MEX3C: variants seen among roughly 807,000 people sequenced by gnomAD.
MEX3C encodes RNA-binding E3 ubiquitin-protein ligase MEX3C.
In MEX3C, 15 loss-of-function variants were observed where a neutral mutation model predicts 35.5. That is an observed-to-expected ratio of 0.42 (90% CI 0.28 to 0.65). The LOEUF is 0.65. Among genes scored for constraint, MEX3C ranks in the 30% least tolerant of loss-of-function variants. MEX3C has a pLI of 0.20. For missense variants in MEX3C, 711 were observed against 842.8 expected (o/e 0.84, Z 1.94); for synonymous variants, 390 against 352.8 (o/e 1.11, Z -1.18).
At position 51,184,935 on chromosome 18, in the gene MEX3C, A is replaced by G. The variant is rs150518905; in HGVS notation, c.755-7359T>C. ...ATTAAGGTGTTACAGTAAATATGGA[A>G]TTGCCAATAGTTCAATTAAAGTCCA... On this transcript the variant is annotated intron_variant, in intron 1 of 1. Coordinates refer to ENST00000406189, the MANE Select transcript of MEX3C (RefSeq NM_016626.5). Among the ~76,000 whole-genome samples the G allele has an allele frequency of 1.4e-3, 215 of 152,350 alleles. 2 individuals carry two copies. The highest frequency in any genetic ancestry group is 5.0e-3 in the African/African-American group (206 of 41,576).
At position 51,196,909 on chromosome 18, in the gene MEX3C, G is replaced by C. The variant is rs778807101; in HGVS notation, c.412C>G (p.Arg138Gly). 1.8e-5 allele frequency: 27 copies of C among 1,542,806 alleles called. No homozygotes were observed. Among genetic ancestry groups the C allele is most frequent in the Middle Eastern group, 1.7e-4 (1 of 5,750 alleles). The change falls in exon 1 of 2, where the codon CGG becomes GGG. Residue 138 changes from arginine (R) to glycine (G), a missense_variant. Arg to Gly is a moderately radical substitution (Grantham distance 125, BLOSUM62 -2). Transcript: ENST00000406189. Reference sequence around the variant, plus strand: ...GGCGACAGCAGCAGCAGCGACGACCGGTCCTCCTCCTCTGCTTCCTCCAGC... The same window carrying C: ...GGCGACAGCAGCAGCAGCGACGACCCGTCCTCCTCCTCTGCTTCCTCCAGC... ...EELEEAEEEDRSSLLLLSPPA... is the reference protein window; with the variant it reads ...EELEEAEEEDGSSLLLLSPPA...
intron 1 of MEX3C, among the ~76,000 whole-genome samples, chr18:51,184,319 C>G (rs1011841309): frequency 6.6e-6 from 1 of 152,170 alleles, no homozygotes; most frequent in Non-Finnish European, 1.5e-5. Flanking sequence ...CAGTGAGACC[C>G]TGAACAGACA....
chr18:51,196,773 G>A lies in MEX3C; in HGVS notation c.548C>T (p.Ala183Val), dbSNP rs1267309573. 18 of 1,419,270 alleles carry A rather than the reference G, an allele frequency of 1.3e-5. No homozygotes were observed. Among genetic ancestry groups the A allele is most frequent in the Non-Finnish European group, 1.6e-5 (17 of 1,064,194 alleles). 87.9% of individuals were successfully genotyped at this position (1,419,270 alleles called of 1,614,324 possible). A position where few individuals can be genotyped will look rare whatever the true frequency, so the allele number is the denominator to read the frequency against. Reference sequence around the variant, plus strand: ...GTCCCCTCCGTACAGCACCCCCGCCGCCGCCGCCGCGGCCGCCGCCTCCCG... The same window carrying A: ...GTCCCCTCCGTACAGCACCCCCGCCACCGCCGCCGCGGCCGCCGCCTCCCG... ...DAREAAAAAA[A>V]AGVLYGGDDA... The change falls in exon 1 of 2, where the codon GCG (alanine) becomes GTG (valine). Residue 183 changes from alanine (A) to valine (V), a missense_variant. Ala to Val is a moderately conservative substitution (Grantham distance 64). Coordinates refer to ENST00000406189, the MANE Select transcript of MEX3C (RefSeq NM_016626.5).
At chr18:51,190,690 A>T (rs1599256358) in intron 1 of MEX3C, among the ~76,000 whole-genome samples, 1 of 151,610 alleles carries the variant, frequency 6.6e-6, no homozygotes, top group African/African-American at 2.4e-5. Flanking sequence ...GTAACTTAAA[A>T]TTCTCAAAGT....
intron 1 of MEX3C, among the ~76,000 whole-genome samples, chr18:51,185,099 C>T (rs769439159): frequency 2.6e-5 from 4 of 152,218 alleles, no homozygotes; most frequent in Non-Finnish European, 5.9e-5. Flanking sequence ...GTGGGTCAGA[C>T]ATCTGATATG....
intron 1 of MEX3C, among the ~76,000 whole-genome samples, chr18:51,191,358 C>T (rs1333592729): frequency 3.3e-5 from 5 of 152,120 alleles, no homozygotes; most frequent in East Asian, 1.9e-4. Flanking sequence ...TCTTCTGGCA[C>T]AACAGAAGAT....
chr18:51,192,539 C>T (rs565068526), intron 1 of MEX3C, among the ~76,000 whole-genome samples: 2 of 152,248 alleles, frequency 1.3e-5, no homozygotes, highest in Non-Finnish European at 2.9e-5. Flanking sequence ...GTGGGTAGTA[C>T]AGACACCAAA....
Position 51,174,815 on chromosome 18 carries a change from G to GT in MEX3C, c.*1535dup, listed in dbSNP as rs1323814919. ...GATAATTTATCATTCTTAGTTTGTG[G>GT]TTTTTAGAAACAGTACACGCACCTA... On this transcript the variant is annotated 3_prime_UTR_variant, in exon 2 of 2. Transcript: ENST00000406189. 2 of 152,502 alleles carry GT rather than the reference G, an allele frequency of 1.3e-5. No homozygotes were observed. Among genetic ancestry groups the GT allele is most frequent in the African/African-American group, 4.8e-5 (2 of 41,396 alleles). The allele number at this position is 152,502 out of a possible 1,614,324, so 9.4% of individuals were successfully genotyped here.
intron 1 of MEX3C, among the ~76,000 whole-genome samples, chr18:51,179,608 A>G (rs1478708311): frequency 6.6e-6 from 1 of 152,156 alleles, no homozygotes; most frequent in African/African-American, 2.4e-5. Flanking sequence ...CTTTTTGAGC[A>G]TTTAGGATTT....
intron 1 of MEX3C, among the ~76,000 whole-genome samples, chr18:51,192,069 G>A (rs986168557): frequency 3.3e-5 from 5 of 151,894 alleles, no homozygotes; most frequent in South Asian, 4.2e-4. Flanking sequence ...AAAAACTTAC[G>A]CTGTAAAGAA....
Position 51,196,832 on chromosome 18 carries a change from C to T in MEX3C, c.489G>A (p.Gly163=), listed in dbSNP as rs1255800263. 5 of 1,536,002 alleles carry T rather than the reference C, an allele frequency of 3.3e-6. No homozygotes were observed. The Admixed American group carries it at 7.9e-5, about 24-fold the overall frequency. Residue 163 remains glycine (G), a synonymous_variant, in exon 1 of 2, where the codon GGG becomes GGA. Transcript: ENST00000406189. ...QTQQIPGGSL[G]SVLLPAARFD... ...ACCTGGCGGCTGGCAGCAGCACAGA[C>T]CCCAGGGACCCGCCCGGGATCTGCT...
rs985412635 is a variant in MEX3C at position 51,177,482 on chromosome 18, T to C, written c.849A>G (p.Lys283=). 2.5e-6 allele frequency: 4 copies of C among 1,613,914 alleles called. No individual in the cohort carries two copies. The Admixed American group carries it at 6.7e-5, about 27-fold the overall frequency. ...CTCTTTTGGCCATGGCAACATCTTC[T>C]TTCCTTCCAGTGACAACAAAAATGG... ...EEPIFVVTGR[K]EDVAMAKREI... is the part of the protein sequence containing the mutation. The change falls in exon 2 of 2, where the codon AAA becomes AAG. Residue 283 remains lysine (K), a synonymous_variant. Transcript: ENST00000406189. The surrounding 1 kb of genome is among the most constrained non-coding windows in gnomAD (Gnocchi z 4.2).
chr18:51,193,318 A>G (rs1912697645), intron 1 of MEX3C: 1 of 152,208 alleles, frequency 6.6e-6, no homozygotes, highest in African/African-American at 2.4e-5. Flanking sequence ...TTATCCTAAT[A>G]GTAATACAAA....
chr18:51,177,421 G>GA lies in MEX3C; in HGVS notation c.909dup (p.Arg304SerfsTer17). 6.2e-7 allele frequency: 1 copy of GA among 1,613,946 alleles called. No individual in the cohort carries two copies. Among genetic ancestry groups the GA allele is most frequent in the Non-Finnish European group, 8.5e-7 (1 of 1,179,874 alleles). The stretch of plus-strand genomic sequence containing the variant: ...GGCCCATTTTTGTTTCGAGATGCAC[G>GA]AATCATGGAGAAGTGCTCTGCAGCT... On this transcript the variant is annotated frameshift_variant, in exon 2 of 2. Transcript: ENST00000406189. LOFTEE classifies it high-confidence loss of function. The surrounding 1 kb of genome is among the most constrained non-coding windows in gnomAD (Gnocchi z 4.2).
At chr18:51,192,437 T>C (rs1186328479) in intron 1 of MEX3C, among the ~76,000 whole-genome samples, 1 of 152,162 alleles carries the variant, frequency 6.6e-6, no homozygotes, top group Non-Finnish European at 1.5e-5. Flanking sequence ...CTAGTGTCTA[T>C]ATATATACGC....
intron 1 of MEX3C, among the ~76,000 whole-genome samples, chr18:51,189,127 TTTG>T (rs1912602059): frequency 6.6e-6 from 1 of 152,234 alleles, no homozygotes; most frequent in African/African-American, 2.4e-5. Context: ...CTGACACAAG[TTTG>T]TTGTTATTAA....
At position 51,196,766 on chromosome 18, in the gene MEX3C, C is replaced by T; in HGVS notation, c.555G>A (p.Gly185=). Residue 185 remains glycine (G), a synonymous_variant, in exon 1 of 2, where the codon GGG becomes GGA. Coordinates refer to ENST00000406189, the MANE Select transcript of MEX3C (RefSeq NM_016626.5). ...GGGCATCGTCCCCTCCGTACAGCACCCCCGCCGCCGCCGCCGCGGCCGCCG... is the reference window on the plus strand; with the variant it reads ...GGGCATCGTCCCCTCCGTACAGCACTCCCGCCGCCGCCGCCGCGGCCGCCG... ...REAAAAAAAA[G]VLYGGDDAQG... The T allele has an allele frequency of 2.0e-6, 3 of 1,494,596 alleles. No individual in the cohort carries two copies. The highest frequency in any genetic ancestry group is 1.8e-4 in the Middle Eastern group (1 of 5,634). The allele number at this position is 1,494,596 out of a possible 1,614,324, so 92.6% of individuals were successfully genotyped here. A position where few individuals can be genotyped will look rare whatever the true frequency, so the allele number is the denominator to read the frequency against.
At chr18:51,186,488 C>T (rs1304757712) in intron 1 of MEX3C, among the ~76,000 whole-genome samples, 1 of 152,174 alleles carries the variant, frequency 6.6e-6, no homozygotes, top group Non-Finnish European at 1.5e-5. Context: ...AGTGTGAGAG[C>T]TTCACGTCAC....
chr18:51,181,651 C>T (rs1479985355), intron 1 of MEX3C, among the ~76,000 whole-genome samples: 3 of 152,116 alleles, frequency 2.0e-5, no homozygotes, highest in Non-Finnish European at 2.9e-5. Context: ...AATATGTGCA[C>T]AAGTGCAAAA....
Sources: allele counts gnomAD v4.1 joint callset (sites outside exome capture counted in the v4.1 genomes callset), GRCh38; gene constraint gnomAD v4.1.1; non-coding constraint Gnocchi (gnomAD v3.1); transcripts MANE v1.5; gene names NCBI Gene and HGNC (gene_info 2026-07-23, HGNC 2026-07-21).